Variants in WNK3 observed in about 807,000 individuals in gnomAD.
WNK3 encodes serine/threonine-protein kinase WNK3.
WNK3 carries 18 observed loss-of-function variants against 116.7 expected under a neutral mutation model. The observed-to-expected ratio is 0.15, with a 90% CI of 0.11 to 0.23. The LOEUF (loss-of-function observed/expected upper bound fraction) is 0.23, where lower values mean the gene tolerates loss of function less well. Among genes scored for constraint, WNK3 ranks in the 10% least tolerant of loss-of-function variants. The pLI, the probability that WNK3 is intolerant of heterozygous loss-of-function variation, is 1.00. For missense variants in WNK3, 993 were observed against 1,323.8 expected (o/e 0.75, Z 3.88); for synonymous variants, 404 against 469.4 (o/e 0.86, Z 1.80).
intron 11 of WNK3, among the ~76,000 whole-genome samples, chrX:54,256,898 T>A (rs1296607742): frequency 8.9e-6 from 1 of 112,348 alleles, no homozygotes; most frequent in Non-Finnish European, 1.9e-5. Flanking sequence ...GGCTATATCA[T>A]TCACATTCCA....
intron 2 of WNK3, among the ~76,000 whole-genome samples, chrX:54,320,516 T>A (rs2069016854): frequency 8.9e-6 from 1 of 111,846 alleles, no homozygotes; most frequent in Admixed American, 9.6e-5. Flanking sequence ...ACTCTATCAA[T>A]GAATATTTTT....
chrX:54,205,455 C>T (rs1266243343), intron 22 of WNK3, among the ~76,000 whole-genome samples: 3 of 111,148 alleles, frequency 2.7e-5, no homozygotes, highest in Non-Finnish European at 5.7e-5. Flanking sequence ...ACTAGTGGCA[C>T]AATAGCCAAC....
At chrX:54,356,392 C>T (rs1557179390) in intron 1 of WNK3, among the ~76,000 whole-genome samples, 1 of 111,583 alleles carries the variant, frequency 9.0e-6, no homozygotes, top group Non-Finnish European at 1.9e-5. Context: ...CTAGCTGCAA[C>T]CTCTGCCTCC....
chrX:54,199,559 C>T lies in WNK3; in HGVS notation c.5074-906G>A, dbSNP rs112066142. On this transcript the variant is annotated intron_variant, in intron 23 of 23. Transcript: ENST00000354646. Reference sequence around the variant, plus strand: ...CTTTCTTCAAATACAGACGGCTGGGCGCGGTGGCTCACGCCTGTAATCCCA... The same window carrying T: ...CTTTCTTCAAATACAGACGGCTGGGTGCGGTGGCTCACGCCTGTAATCCCA... Among the ~76,000 whole-genome samples the T allele has an allele frequency of 1.0e-2, 1,114 of 111,954 alleles. 11 individuals are homozygous for T. The highest frequency in any genetic ancestry group is 0.035 in the African/African-American group (1,085 of 30,859).
chrX:54,321,377 C>G (rs1341964645), intron 2 of WNK3, among the ~76,000 whole-genome samples: 1 of 111,620 alleles, frequency 9.0e-6, no homozygotes, highest in Non-Finnish European at 1.9e-5. Context: ...AACACTGGAA[C>G]CCCGTACGCT....
chrX:54,248,086 C>T lies in WNK3; in HGVS notation c.3651+611G>A, dbSNP rs2068090642. 5.4e-5 allele frequency among the ~76,000 whole-genome samples: 6 copies of T among 110,126 alleles called. No homozygotes were observed. In the South Asian group the frequency reaches 1.6e-3, roughly 29 times the overall value. On this transcript the variant is annotated intron_variant, in intron 17 of 23. Transcript: ENST00000354646. ...TAAAACCCCGTCTCTACTAATACAA[C>T]AATTAGCCGGGCGTGGTGGCACGTG...
Position 54,322,758 on chromosome X carries a change from A to T in WNK3, c.537+10379T>A. 1.8e-5 allele frequency among the ~76,000 whole-genome samples: 2 copies of T among 111,969 alleles called. 1 individual carries two copies. Among genetic ancestry groups the T allele is most frequent in the Middle Eastern group, 8.4e-3 (2 of 238 alleles). Reference sequence around the variant, plus strand: ...ATCTCATATACCTATTCTAAGGATTAAATAAAATATTCAAATTAAGTACCA... The same window carrying T: ...ATCTCATATACCTATTCTAAGGATTTAATAAAATATTCAAATTAAGTACCA... On this transcript the variant is annotated intron_variant, in intron 2 of 23. Coordinates refer to ENST00000354646, the Ensembl canonical transcript of WNK3.
chrX:54,270,628 C>T (rs1222023855), intron 10 of WNK3, among the ~76,000 whole-genome samples: 2 of 108,480 alleles, frequency 1.8e-5, no homozygotes, highest in Non-Finnish European at 3.8e-5. Flanking sequence ...AGGTTTGTTA[C>T]GTAGGTATAC....
intron 21 of WNK3, among the ~76,000 whole-genome samples, chrX:54,231,304 C>T (rs2067896697): frequency 1.8e-5 from 2 of 112,001 alleles, no homozygotes; most frequent in African/African-American, 6.5e-5. Context: ...TTCTTGGGTT[C>T]TGTATTAGTT....
chrX:54,344,761 G>C (rs1299891926), intron 1 of WNK3, among the ~76,000 whole-genome samples: 1 of 110,424 alleles, frequency 9.1e-6, no homozygotes, highest in South Asian at 3.8e-4. Context: ...TGGCTAACAC[G>C]GTCAAACCCC....
intron 18 of WNK3, 37 bp from the exon 19 acceptor site, chrX:54,238,509 A>G: frequency 8.5e-7 from 1 of 1,182,913 alleles, no homozygotes; most frequent in Non-Finnish European, 1.1e-6. Flanking sequence ...AAAAAGAGAA[A>G]ATTGTTTGTT....
intron 10 of WNK3, among the ~76,000 whole-genome samples, chrX:54,268,118 A>G (rs1249058259): frequency 9.2e-6 from 1 of 108,149 alleles, no homozygotes; most frequent in Non-Finnish European, 1.9e-5. Context: ...ACACACACAC[A>G]CACACACACT....
intron 3 of WNK3, 111 bp downstream of exon 3, chrX:54,311,007 GC>G: frequency 1.8e-6 from 1 of 544,352 alleles, no homozygotes; most frequent in Non-Finnish European, 2.9e-6. Flanking sequence ...TAGCCACTGC[GC>G]CTGGCCAGAT....
At chrX:54,245,331 T>C (rs1176903871) in intron 17 of WNK3, among the ~76,000 whole-genome samples, 1 of 109,229 alleles carries the variant, frequency 9.2e-6, no homozygotes, top group African/African-American at 3.3e-5. Context: ...TACAAAAAGT[T>C]TAAAAATCAG....
intron 5 of WNK3, among the ~76,000 whole-genome samples, chrX:54,304,402 G>T (rs1239230042): frequency 9.2e-6 from 1 of 109,179 alleles, no homozygotes; most frequent in African/African-American, 3.3e-5. Context: ...ATAGCTGCGT[G>T]TGGTGGTGTG....
At chrX:54,356,290 C>A (rs1557179373) in intron 1 of WNK3, among the ~76,000 whole-genome samples, 1 of 111,196 alleles carries the variant, frequency 9.0e-6, no homozygotes, top group African/African-American at 3.3e-5. Context: ...AAAAAATGTA[C>A]AATTATTTTA....
intron 2 of WNK3, among the ~76,000 whole-genome samples, chrX:54,319,804 C>A (rs975288365): frequency 8.9e-6 from 1 of 112,049 alleles, no homozygotes; most frequent in African/African-American, 3.2e-5. Context: ...CCCCTACATG[C>A]ATTATTGTAT....
intron 22 of WNK3, chrX:54,223,910 G>A: frequency 7.2e-6 from 1 of 138,227 alleles, no homozygotes; most frequent in Non-Finnish European, 1.5e-5. Context: ...GATTAACTTG[G>A]CAGACAAAGG....
chrX:54,239,168 C>A (rs1265250140), intron 17 of WNK3, 69 bp from the exon 18 acceptor site: 64 of 757,034 alleles, frequency 8.5e-5, no homozygotes, highest in Non-Finnish European at 1.1e-4. Flanking sequence ...CCGAGAAAAA[C>A]CAAAGTGGTA....
Sources: gnomAD v4.1 joint callset for allele counts (sites outside exome capture counted in the v4.1 genomes callset) on GRCh38, gnomAD v4.1.1 for gene constraint, MANE v1.5 for transcripts, NCBI Gene and HGNC (gene_info 2026-07-23, HGNC 2026-07-21) for gene names.